The following CHST6 variants were observed in gnomAD, a reference collection of about 807,000 sequenced individuals.
The protein encoded by CHST6 is N-acetylglucosamine 6-O-sulfotransferase 5.
For missense variants in CHST6, 698 were observed against 586.2 expected (o/e 1.19, Z -1.97); for synonymous variants, 309 against 276.4 (o/e 1.12, Z -1.17).
At chr16:75,487,828 A>G (rs8046694) in intron 1 of CHST6, among the ~76,000 whole-genome samples, 1,977 of 147,856 alleles carry the variant, frequency 0.013, 48 homozygotes, top group African/African-American at 0.048. Context: ...AAAAAAAAAA[A>G]AGAGAAAAAA....
Position 75,477,092 on chromosome 16 carries a change from A to G in CHST6, c.*1549T>C, listed in dbSNP as rs1252943636. The G allele has an allele frequency of 2.0e-5, 3 of 152,220 alleles. No individual in the cohort carries two copies. Among genetic ancestry groups the G allele is most frequent in the African/African-American group, 7.2e-5 (3 of 41,464 alleles). The allele number at this position is 152,220 out of a possible 1,614,324, so 9.4% of individuals were successfully genotyped here. A position where few individuals can be genotyped will look rare whatever the true frequency, so the allele number is the denominator to read the frequency against. ...TTGTTATAACCACCTGAACAAGAAC[A>G]AAGACATTCTCTAAGCCATGTAGTA... is the stretch of plus-strand genomic sequence containing the variant. On this transcript the variant is annotated 3_prime_UTR_variant, in exon 3 of 3. Coordinates refer to ENST00000332272, the MANE Select transcript of CHST6 (RefSeq NM_021615.5).
chr16:75,485,857 G>A (rs905391110), intron 1 of CHST6, among the ~76,000 whole-genome samples: 8 of 152,118 alleles, frequency 5.3e-5, no homozygotes, highest in South Asian at 2.1e-4. Context: ...ACATCCAGCC[G>A]CGGGAGGGTC....
chr16:75,473,049 C>G lies in CHST6; in HGVS notation c.*5592G>C, dbSNP rs977985. The G allele has an allele frequency of 0.53, 80,947 of 152,098 alleles. 23,340 individuals are homozygous for G. Among genetic ancestry groups the G allele is most frequent in the Admixed American group, 0.67 (10,314 of 15,292 alleles). 9.4% of individuals were successfully genotyped at this position (152,098 alleles called of 1,614,324 possible). Reference sequence around the variant, plus strand: ...GGACCCTGGTGGAAATTGGAAGCTGCAGGTGCCAGGAGCCCTCCGTTCTCA... The same window carrying G: ...GGACCCTGGTGGAAATTGGAAGCTGGAGGTGCCAGGAGCCCTCCGTTCTCA... On this transcript the variant is annotated 3_prime_UTR_variant, in exon 3 of 3. Coordinates refer to ENST00000332272, the MANE Select transcript of CHST6 (RefSeq NM_021615.5).
At chr16:75,488,726 G>A (rs1002281637) in intron 1 of CHST6, among the ~76,000 whole-genome samples, 2 of 151,308 alleles carry the variant, frequency 1.3e-5, no homozygotes, top group African/African-American at 4.9e-5. Flanking sequence ...GCTCATGCCT[G>A]TAATCCCAGC....
In CHST6 at chr16:75,495,186, C is replaced by T. The variant is rs935893180; in HGVS notation, c.-338G>A. 4.6e-5 allele frequency: 7 copies of T among 152,616 alleles called. No individual in the cohort carries two copies. The highest frequency in any genetic ancestry group is 1.7e-4 in the African/African-American group (7 of 41,480). 9.5% of individuals were successfully genotyped at this position (152,616 alleles called of 1,614,324 possible). A position where few individuals can be genotyped will look rare whatever the true frequency, so the allele number is the denominator to read the frequency against. ...GGACGAGAGTTGGCGGTGACCAAGC[C>T]ACTGGAAGCTCCTGGAGACTCGAGG... On this transcript the variant is annotated 5_prime_UTR_variant, in exon 1 of 3. Transcript: ENST00000332272.
rs574549228 is a variant in CHST6, at chr16:75,474,578, G to T, written c.*4063C>A. On this transcript the variant is annotated 3_prime_UTR_variant, in exon 3 of 3. Coordinates refer to ENST00000332272, the MANE Select transcript of CHST6 (RefSeq NM_021615.5). ...GGCGTGAGCCACTGAACCCAGCAAG[G>T]GTCATATATAATAAATAGAAGTGTA... is the stretch of plus-strand genomic sequence containing the variant. 30 of 398,452 alleles carry T rather than the reference G, an allele frequency of 7.5e-5. No homozygotes were observed. Among genetic ancestry groups the T allele is most frequent in the African/African-American group, 6.0e-4 (29 of 48,714 alleles). The allele number at this position is 398,452 out of a possible 1,614,324, so 24.7% of individuals were successfully genotyped here.
At chr16:75,494,292 C>G (rs1179938015) in intron 1 of CHST6, among the ~76,000 whole-genome samples, 2 of 152,198 alleles carry the variant, frequency 1.3e-5, no homozygotes, top group Non-Finnish European at 2.9e-5. Flanking sequence ...TCCGGCCTCT[C>G]AGGCTGGAGA....
intron 1 of CHST6, among the ~76,000 whole-genome samples, chr16:75,488,850 G>T (rs1012098507): frequency 5.9e-5 from 9 of 151,894 alleles, no homozygotes; most frequent in African/African-American, 2.2e-4. Flanking sequence ...TCACGCCATT[G>T]CACTCCAGCC....
rs181901371 is a variant in CHST6 at position 75,491,914 on chromosome 16, G to C, written c.-92+3026C>G. 4.1e-4 allele frequency among the ~76,000 whole-genome samples: 62 copies of C among 152,314 alleles called. No individual in the cohort carries two copies. In the East Asian group the frequency reaches 0.011, roughly 28 times the overall value. On this transcript the variant is annotated intron_variant, in intron 1 of 2. Transcript: ENST00000332272. ...ACCCGCTCTGCACTAAAAGGTGTCA[G>C]AGCTCCCATGCACACTCTCAACACC...
chr16:75,482,031 G>C lies in CHST6; in HGVS notation c.-91-140C>G, dbSNP rs2080147660. ...TAACCTCTTAGGGCTGTGAGATGCT[G>C]CTGCAAACACCTATGAAGAGGGGGC... On this transcript the variant is annotated intron_variant, in intron 1 of 2. Transcript: ENST00000332272. 3 of 361,280 alleles carry C rather than the reference G, an allele frequency of 8.3e-6. No homozygotes were observed. The Admixed American group carries it at 1.0e-4, about 12-fold the overall frequency. The allele number at this position is 361,280 out of a possible 1,614,324, so 22.4% of individuals were successfully genotyped here.
chr16:75,483,731 A>G (rs920108600), intron 1 of CHST6, among the ~76,000 whole-genome samples: 10 of 152,180 alleles, frequency 6.6e-5, no homozygotes, highest in Non-Finnish European at 1.5e-4. Flanking sequence ...AGGGGCTTAA[A>G]TCCAAGAGCC....
In CHST6 at chr16:75,478,656, C is replaced by T. The variant is rs757738315; in HGVS notation, c.1173G>A (p.Ser391=). Residue 391 remains serine, a synonymous_variant, in exon 3 of 3, where the codon TCG becomes TCA. Transcript: ENST00000332272. ...NGFTWASSTA[S]HPRN is the part of the protein sequence containing the mutation. ...GTGGCCTCCACTAATTTCGGGGGTG[C>T]GAGGCGGTGGATGATGCCCAAGTGA... The T allele has an allele frequency of 1.1e-5, 18 of 1,613,614 alleles. No homozygotes were observed. Among genetic ancestry groups the T allele is most frequent in the Middle Eastern group, 1.6e-4 (1 of 6,062 alleles).
In CHST6 at chr16:75,474,492, T is replaced by A. The variant is rs1195847577; in HGVS notation, c.*4149A>T. On this transcript the variant is annotated 3_prime_UTR_variant, in exon 3 of 3. Coordinates refer to ENST00000332272, the MANE Select transcript of CHST6 (RefSeq NM_021615.5). ...GGTCTCACTATGTTGCCCAGGCTGG[T>A]CTTGAGTGCCTGGTCTCAAGTGATC... is the stretch of plus-strand genomic sequence containing the variant. The A allele has an allele frequency of 2.5e-6, 1 of 394,706 alleles. No homozygotes were observed. The highest frequency in any genetic ancestry group is 2.1e-5 in the African/African-American group (1 of 48,326). The allele number at this position is 394,706 out of a possible 1,614,324, so 24.5% of individuals were successfully genotyped here. A position where few individuals can be genotyped will look rare whatever the true frequency, so the allele number is the denominator to read the frequency against.
Position 75,491,182 on chromosome 16 carries a change from AAAAAAAAAATAT to A in CHST6, c.-92+3746_-92+3757del, listed in dbSNP as rs1310023261. Among the ~76,000 whole-genome samples the A allele has an allele frequency of 2.0e-4, 16 of 80,432 alleles. No individual in the cohort carries two copies. The South Asian group carries it at 2.5e-3, about 13-fold the overall frequency. The allele number at this position is 80,432 out of a possible 152,430, so 52.8% of individuals were successfully genotyped here. ...CTCCGTCTTAAAAAAAAAAAAAAAA[AAAAAAAAAATAT>A]ATATATATATATATATATATATATA... On this transcript the variant is annotated intron_variant, in intron 1 of 2. Coordinates refer to ENST00000332272, the MANE Select transcript of CHST6 (RefSeq NM_021615.5).
At chr16:75,482,237 C>T (rs1054859901) in intron 1 of CHST6, among the ~76,000 whole-genome samples, 1 of 152,150 alleles carries the variant, frequency 6.6e-6, no homozygotes, top group African/African-American at 2.4e-5. Context: ...CAACCACCAG[C>T]CCTTTCGTGG....
chr16:75,492,687 T>A (rs1239879880), intron 1 of CHST6, among the ~76,000 whole-genome samples: 3 of 152,038 alleles, frequency 2.0e-5, no homozygotes, highest in African/African-American at 7.2e-5. Context: ...CTGTCTTTAC[T>A]AAATACACAA....
At chr16:75,488,979 C>T (rs2080230206) in intron 1 of CHST6, among the ~76,000 whole-genome samples, 1 of 152,032 alleles carries the variant, frequency 6.6e-6, no homozygotes, top group Non-Finnish European at 1.5e-5. Context: ...CTGCAAACAT[C>T]ATCTATGAGG....
Position 75,472,311 on chromosome 16 carries a change from G to GA in CHST6, c.*6329dup, listed in dbSNP as rs1323176488. The GA allele has an allele frequency of 1.3e-5, 2 of 151,938 alleles. No individual in the cohort carries two copies. The highest frequency in any genetic ancestry group is 4.8e-5 in the African/African-American group (2 of 41,342). 9.4% of individuals were successfully genotyped at this position (151,938 alleles called of 1,614,324 possible). ...TCTTTTTTTTTAAGAAGCCTGAGGG[G>GA]AAAATGCCATAAAGTAAGTTAACAA... On this transcript the variant is annotated 3_prime_UTR_variant, in exon 3 of 3. Transcript: ENST00000332272.
chr16:75,491,218 T>TATATATATATA (rs1384245947), intron 1 of CHST6, among the ~76,000 whole-genome samples: 1 of 97,674 alleles, frequency 1.0e-5, no homozygotes, highest in Non-Finnish European at 1.9e-5. Context: ...TATATATATA[T>TATATATATATA]AAAATATAAT....
Sources: gnomAD v4.1 joint callset for allele counts (sites outside exome capture counted in the v4.1 genomes callset) on GRCh38, gnomAD v4.1.1 for gene constraint, MANE v1.5 for transcripts, NCBI Gene and HGNC (gene_info 2026-07-23, HGNC 2026-07-21) for gene names.